Variants in PTPRN2 observed in about 807,000 individuals in gnomAD.
The protein encoded by PTPRN2 is receptor-type tyrosine-protein phosphatase N2.
A neutral mutation model predicts 118.8 loss-of-function variants in PTPRN2; 74 were observed. That is an observed-to-expected ratio of 0.62 (90% CI 0.52 to 0.76). The LOEUF is 0.76. Ranked by LOEUF, PTPRN2 falls within the 30% of genes least tolerant of loss-of-function variation. The pLI, the probability that PTPRN2 is intolerant of heterozygous loss-of-function variation, is 0.00. For synonymous variants in PTPRN2, 641 were observed against 608.0 expected, an observed-to-expected ratio of 1.05 and a Z score of -0.80; for missense variants, 1,481 against 1,394.4, an observed-to-expected ratio of 1.06 and a Z score of -0.99.
intron 14 of PTPRN2, among the ~76,000 whole-genome samples, chr7:157,650,332 C>A (rs979937706): frequency 2.0e-5 from 3 of 152,238 alleles, no homozygotes; most frequent in Admixed American, 2.0e-4. Context: ...CTATGTACCC[C>A]TCCATGTGCA....
intron 21 of PTPRN2, among the ~76,000 whole-genome samples, chr7:157,562,930 G>A (rs1166839266): frequency 7.7e-6 from 1 of 129,776 alleles, no homozygotes; most frequent in Non-Finnish European, 1.6e-5. Flanking sequence ...TCAGGACCAC[G>A]TGCTCCCACA....
At chr7:158,300,763 G>T (rs950888473) in intron 3 of PTPRN2, among the ~76,000 whole-genome samples, 1 of 152,032 alleles carries the variant, frequency 6.6e-6, no homozygotes, top group Non-Finnish European at 1.5e-5. Context: ...CATTTATGCT[G>T]AACGTGGCCG....
intron 2 of PTPRN2, among the ~76,000 whole-genome samples, chr7:158,399,251 G>C (rs1458662146): frequency 6.6e-6 from 1 of 152,204 alleles, no homozygotes; most frequent in East Asian, 1.9e-4. Flanking sequence ...TGTGTCACCT[G>C]GTGAATTGTT....
At chr7:157,931,731 A>G (rs919442292) in intron 11 of PTPRN2, among the ~76,000 whole-genome samples, 3 of 152,066 alleles carry the variant, frequency 2.0e-5, no homozygotes, top group African/African-American at 7.2e-5. Flanking sequence ...GGTAAGCTAA[A>G]TTGAATAAAT....
At position 157,696,241 on chromosome 7, in the gene PTPRN2, T is replaced by C. The variant is rs184199002; in HGVS notation, c.1789-13304A>G. Among the ~76,000 whole-genome samples the C allele has an allele frequency of 4.2e-3, 592 of 139,992 alleles. 3 individuals carry two copies. Among genetic ancestry groups the C allele is most frequent in the African/African-American group, 0.015 (560 of 36,358 alleles). The allele number at this position is 139,992 out of a possible 152,430, so 91.8% of individuals were successfully genotyped here. On this transcript the variant is annotated intron_variant, in intron 12 of 22. Coordinates refer to ENST00000389418, the MANE Select transcript of PTPRN2 (RefSeq NM_002847.5). ...AGAGCCCTCACCATCTACCCATGCA[T>C]ACTGGATCTTAGTAGAGCCCTCACC...
At chr7:157,747,392 TGAG>T (rs1333356842) in intron 12 of PTPRN2, among the ~76,000 whole-genome samples, 1 of 92,968 alleles carries the variant, frequency 1.1e-5, no homozygotes, top group African/African-American at 4.6e-5. Context: ...TGTGGGCTGT[TGAG>T]GTGATTCTGA....
chr7:157,934,398 T>C (rs1446259114), intron 11 of PTPRN2, among the ~76,000 whole-genome samples: 1 of 152,232 alleles, frequency 6.6e-6, no homozygotes, highest in Non-Finnish European at 1.5e-5. Context: ...GGGCAACTTA[T>C]CTTTTATGCG....
At chr7:157,927,977 G>A (rs1425512810) in intron 11 of PTPRN2, among the ~76,000 whole-genome samples, 8 of 152,142 alleles carry the variant, frequency 5.3e-5, no homozygotes, top group South Asian at 2.1e-4. Context: ...GCTGCCCGAC[G>A]CTTAGAGGGA....
At chr7:158,262,377 A>G (rs1362587130) in intron 3 of PTPRN2, among the ~76,000 whole-genome samples, 2 of 148,458 alleles carry the variant, frequency 1.3e-5, no homozygotes, top group South Asian at 4.2e-4. Context: ...CTGCACACAC[A>G]TACACACATT....
At chr7:158,026,372 C>G (rs1035606393) in intron 11 of PTPRN2, among the ~76,000 whole-genome samples, 1 of 152,166 alleles carries the variant, frequency 6.6e-6, no homozygotes, top group Non-Finnish European at 1.5e-5. Context: ...TAACGCAAAG[C>G]AAACAACATC....
rs1247794890 is a variant in PTPRN2, at chr7:157,785,295, C to T, written c.1789-102358G>A. Among the ~76,000 whole-genome samples the T allele has an allele frequency of 2.6e-5, 4 of 152,196 alleles. No homozygotes were observed. Among genetic ancestry groups the T allele is most frequent in the African/African-American group, 9.6e-5 (4 of 41,458 alleles). Reference sequence around the variant, plus strand: ...CCAAGGCCAGTGGTGTAAATCCACACTCTATGGTGACGGTGGATCCACAGC... The same window carrying T: ...CCAAGGCCAGTGGTGTAAATCCACATTCTATGGTGACGGTGGATCCACAGC... On this transcript the variant is annotated intron_variant, in intron 12 of 22. Coordinates refer to ENST00000389418, the MANE Select transcript of PTPRN2 (RefSeq NM_002847.5). The surrounding 1 kb of genome is among the most constrained non-coding windows in gnomAD (Gnocchi z 7.3).
At chr7:157,878,907 C>T (rs1469427074) in intron 12 of PTPRN2, among the ~76,000 whole-genome samples, 1 of 132,512 alleles carries the variant, frequency 7.5e-6, no homozygotes, top group Non-Finnish European at 1.6e-5. Context: ...TGCACCCACA[C>T]TTACTCACCG....
chr7:158,207,019 T>A (rs1420162954), intron 3 of PTPRN2, among the ~76,000 whole-genome samples: 2 of 142,288 alleles, frequency 1.4e-5, no homozygotes, highest in Admixed American at 7.3e-5. Context: ...CCATGTGATC[T>A]CATTGTTCAA....
intron 1 of PTPRN2, among the ~76,000 whole-genome samples, chr7:158,553,537 G>A (rs748773707): frequency 2.1e-4 from 31 of 144,326 alleles, no homozygotes; most frequent in Middle Eastern, 9.5e-3. Context: ...GGTCTACATC[G>A]CCTTCCCTGT....
chr7:158,460,717 G>A (rs559656942), intron 2 of PTPRN2, among the ~76,000 whole-genome samples: 6 of 150,660 alleles, frequency 4.0e-5, no homozygotes, highest in Admixed American at 6.7e-5. Context: ...TGTCCTGCAC[G>A]GTCCCATGGG....
At chr7:157,925,387 T>A (rs1282105087) in intron 11 of PTPRN2, among the ~76,000 whole-genome samples, 1 of 152,276 alleles carries the variant, frequency 6.6e-6, no homozygotes, top group African/African-American at 2.4e-5. Flanking sequence ...GTTGCTTTAG[T>A]AGGTTAAATC....
chr7:158,557,643 T>TAGC, intron 1 of PTPRN2, among the ~76,000 whole-genome samples: 1 of 152,382 alleles, frequency 6.6e-6, no homozygotes, highest in East Asian at 1.9e-4. Context: ...TCTCATCATG[T>TAGC]AGCTGTATTT....
chr7:158,260,607 C>T (rs1257621100), intron 3 of PTPRN2, among the ~76,000 whole-genome samples: 5 of 146,038 alleles, frequency 3.4e-5, no homozygotes, highest in African/African-American at 1.4e-4. Flanking sequence ...ATTTATCCTA[C>T]GGACATTCTA....
intron 14 of PTPRN2, among the ~76,000 whole-genome samples, chr7:157,637,503 C>T (rs561823334): frequency 1.4e-4 from 21 of 152,250 alleles, no homozygotes; most frequent in African/African-American, 4.6e-4. Context: ...CTTCAAAAGC[C>T]GTTTCGTATC....
Sources: gnomAD v4.1 joint callset for allele counts (sites outside exome capture counted in the v4.1 genomes callset) on GRCh38, gnomAD v4.1.1 for gene constraint, Gnocchi (gnomAD v3.1) non-coding constraint, MANE v1.5 for transcripts, NCBI Gene and HGNC (gene_info 2026-07-23, HGNC 2026-07-21) for gene names.